The following PDE6H variants were observed in gnomAD, a reference collection of about 807,000 sequenced individuals.
PDE6H encodes the protein retinal cone rhodopsin-sensitive cGMP 3',5'-cyclic phosphodiesterase subunit gamma.
PDE6H carries 11 observed loss-of-function variants against 9.2 expected under a neutral mutation model. The ratio of observed to expected loss-of-function variants is 1.19; its 90% CI spans 0.75 to 1.97. The LOEUF (loss-of-function observed/expected upper bound fraction) is 1.97. PDE6H is among the 30% of genes most tolerant of loss of function. PDE6H has a pLI of 0.00. For missense variants in PDE6H, 98 were observed against 101.5 expected (o/e 0.97, Z 0.15); for synonymous variants, 36 against 33.6 (o/e 1.07, Z -0.25).
intron 1 of PDE6H, among the ~76,000 whole-genome samples, chr12:14,974,306 A>G (rs1864561095): frequency 6.6e-6 from 1 of 152,234 alleles, no homozygotes; most frequent in Admixed American, 6.5e-5. Context: ...CTGGCTTCCA[A>G]TGCAGGAAAA....
chr12:14,977,471 C>A (rs1254015862), intron 1 of PDE6H, among the ~76,000 whole-genome samples: 1 of 152,146 alleles, frequency 6.6e-6, no homozygotes, highest in African/African-American at 2.4e-5. Flanking sequence ...TCACTGAGTC[C>A]ATTTTCCTCT....
At position 14,981,425 on chromosome 12, in the gene PDE6H, G is replaced by T; in HGVS notation, c.201G>T (p.Glu67Asp). 6.2e-7 allele frequency: 1 copy of T among 1,613,142 alleles called. No homozygotes were observed. Residue 67 changes from glutamate to aspartate, a missense_variant, in exon 4 of 4, where the codon GAG becomes GAT. Physicochemically the swap from Glu to Asp is conservative, Grantham distance 45. Transcript: ENST00000266395. ...GTDITVICPW[E>D]AFSHLELHEL... ...ATATCACAGTGATTTGTCCATGGGA[G>T]GCATTCAGCCACCTGGAATTGCATG...
chr12:14,974,859 C>T (rs766794914), intron 1 of PDE6H, among the ~76,000 whole-genome samples: 8 of 152,240 alleles, frequency 5.3e-5, no homozygotes, highest in Non-Finnish European at 1.0e-4. Flanking sequence ...AGTGTCATAA[C>T]CACAGATTTG....
chr12:14,978,298 A>C, intron 2 of PDE6H, 152 bp downstream of exon 2: 1 of 705,980 alleles, frequency 1.4e-6, no homozygotes. Context: ...ATCTTTGATG[A>C]ATTGTGTCTT....
intron 2 of PDE6H, among the ~76,000 whole-genome samples, chr12:14,978,575 A>C (rs538926734): frequency 6.6e-6 from 1 of 152,346 alleles, no homozygotes; most frequent in South Asian, 2.1e-4. Flanking sequence ...TTGATTTTTC[A>C]ACACACAGAT....
intron 3 of PDE6H, among the ~76,000 whole-genome samples, chr12:14,979,789 C>G (rs532591007): frequency 1.3e-3 from 196 of 152,318 alleles, no homozygotes; most frequent in African/African-American, 4.5e-3. Flanking sequence ...AATGCAATCA[C>G]TGCATATTTT....
chr12:14,981,289 G>C, intron 3 of PDE6H, 111 bp from the exon 4 acceptor site: 2 of 794,752 alleles, frequency 2.5e-6, no homozygotes, highest in East Asian at 2.4e-5. Context: ...CCAGTCAGGG[G>C]ACAATGAGCA....
chr12:14,975,424 A>G (rs1864577604), intron 1 of PDE6H, among the ~76,000 whole-genome samples: 5 of 151,602 alleles, frequency 3.3e-5, no homozygotes, highest in Admixed American at 3.3e-4. Context: ...TCTTTAGATG[A>G]GAGAAAAGAA....
At chr12:14,974,065 G>T (rs1041441218) in intron 1 of PDE6H, among the ~76,000 whole-genome samples, 4 of 152,190 alleles carry the variant, frequency 2.6e-5, no homozygotes, top group Non-Finnish European at 4.4e-5. Flanking sequence ...AAAACAGTTT[G>T]TAATCTTCAA....
At chr12:14,979,268 CT>C in intron 3 of PDE6H, 49 bp downstream of exon 3, 1 of 1,297,606 alleles carries the variant, frequency 7.7e-7, no homozygotes, top group Non-Finnish European at 1.1e-6. Context: ...GGAGTTCTGC[CT>C]TTTTATATAC....
At chr12:14,978,671 T>C (rs926864136) in intron 2 of PDE6H, among the ~76,000 whole-genome samples, 2 of 152,256 alleles carry the variant, frequency 1.3e-5, no homozygotes, top group Non-Finnish European at 2.9e-5. Flanking sequence ...TACATTCAGC[T>C]ATCATAACTT....
intron 3 of PDE6H, among the ~76,000 whole-genome samples, chr12:14,979,725 G>T (rs1864653329): frequency 6.6e-6 from 1 of 152,076 alleles, no homozygotes; most frequent in African/African-American, 2.4e-5. Flanking sequence ...CATACTGAAT[G>T]CCTGCAATAT....
rs769920359 is a variant in PDE6H at position 14,977,995 on chromosome 12, C to T, written c.-18C>T. Reference sequence around the variant, plus strand: ...AGGAGGCTGAAAGGGAAACATCAGCCGCCCGGGGGGAGTTAAAATGAGTGA... The same window carrying T: ...AGGAGGCTGAAAGGGAAACATCAGCTGCCCGGGGGGAGTTAAAATGAGTGA... On this transcript the variant is annotated 5_prime_UTR_variant, in exon 2 of 4. Coordinates refer to ENST00000266395, the MANE Select transcript of PDE6H (RefSeq NM_006205.3). The T allele has an allele frequency of 1.5e-5, 24 of 1,612,692 alleles. No individual in the cohort carries two copies. The highest frequency in any genetic ancestry group is 1.1e-4 in the South Asian group (10 of 91,026).
chr12:14,975,399 C>A (rs1565471297), intron 1 of PDE6H, among the ~76,000 whole-genome samples: 2 of 149,552 alleles, frequency 1.3e-5, no homozygotes, highest in Non-Finnish European at 3.0e-5. Flanking sequence ...TCTGGCAATT[C>A]TAACCCTAAT....
At chr12:14,974,630 G>T (rs1449364439) in intron 1 of PDE6H, among the ~76,000 whole-genome samples, 1 of 152,246 alleles carries the variant, frequency 6.6e-6, no homozygotes, top group Non-Finnish European at 1.5e-5. Flanking sequence ...TGTCACGTGT[G>T]ATTTTTAAAT....
chr12:14,977,890 C>T (rs1864619428), intron 1 of PDE6H, 82 bp from the exon 2 acceptor site: 1 of 956,484 alleles, frequency 1.0e-6, no homozygotes, highest in Non-Finnish European at 1.6e-6. Context: ...TACTTTTCTT[C>T]TCCAGCCTGA....
chr12:14,979,094 T>C, intron 2 of PDE6H, 85 bp from the exon 3 acceptor site: 1 of 867,172 alleles, frequency 1.2e-6, no homozygotes, highest in South Asian at 1.4e-5. Context: ...TTCTTCCCCC[T>C]TGAATCAAGA....
intron 3 of PDE6H, among the ~76,000 whole-genome samples, chr12:14,980,282 G>A (rs560875629): frequency 6.6e-6 from 1 of 152,170 alleles, no homozygotes; most frequent in Admixed American, 6.5e-5. Flanking sequence ...TTCATTTAAG[G>A]TTTCTCCATG....
intron 1 of PDE6H, among the ~76,000 whole-genome samples, chr12:14,976,314 G>A (rs1280351571): frequency 6.6e-6 from 1 of 152,114 alleles, no homozygotes. Flanking sequence ...ACCATCCCTG[G>A]TACTGGCAAG....
Sources: allele counts gnomAD v4.1 joint callset (sites outside exome capture counted in the v4.1 genomes callset), GRCh38; gene constraint gnomAD v4.1.1; transcripts MANE v1.5; gene names NCBI Gene and HGNC (gene_info 2026-07-23, HGNC 2026-07-21).